The following TUSC3 variants were observed in gnomAD, a reference collection of about 807,000 sequenced individuals.
TUSC3 encodes the protein dolichyl-diphosphooligosaccharide--protein glycosyltransferase subunit TUSC3.
Under a neutral mutation model 44.8 loss-of-function variants are expected in TUSC3, and 45 were observed. The observed-to-expected ratio is 1.00, with a 90% CI of 0.79 to 1.29. TUSC3 has a LOEUF of 1.29. Ranked by LOEUF, TUSC3 falls within the 50% of genes most tolerant of loss-of-function variation. The probability of loss-of-function intolerance (pLI) is 0.00; values close to 1 mark genes in which losing one functional copy is unlikely to be tolerated. For missense variants in TUSC3, 519 were observed against 437.9 expected (o/e 1.19, Z -1.65); for synonymous variants, 212 against 152.9 (o/e 1.39, Z -2.85).
chr8:15,595,451 C>G (rs1313189535), intron 1 of TUSC3, among the ~76,000 whole-genome samples: 1 of 152,158 alleles, frequency 6.6e-6, no homozygotes, highest in African/African-American at 2.4e-5. Flanking sequence ...GCTTGAATCT[C>G]TCAAGGGAGT....
Position 15,423,969 on chromosome 8 carries a change from G to GTTTTTGTTTTGTT in TUSC3, n.91+6669_91+6670insGTTTTGTTTTTTT, listed in dbSNP as rs1563247134. Among the ~76,000 whole-genome samples the GTTTTTGTTTTGTT allele has an allele frequency of 8.1e-4, 57 of 70,388 alleles. 1 individual carries two copies. Among genetic ancestry groups the GTTTTTGTTTTGTT allele is most frequent in the African/African-American group, 2.1e-3 (51 of 24,492 alleles). The allele number at this position is 70,388 out of a possible 152,430, so 46.2% of individuals were successfully genotyped here. A position where few individuals can be genotyped will look rare whatever the true frequency, so the allele number is the denominator to read the frequency against. The stretch of plus-strand genomic sequence containing the variant: ...TACAGCATTCATACTGTTTTGCTTT[G>GTTTTTGTTTTGTT]TTTTTTTTTTTTTTTTTTTTTTTTT... On this transcript the variant is annotated intron_variant and non_coding_transcript_variant, in intron 1 of 5. Transcript: ENST00000503191.
intron 2 of TUSC3, among the ~76,000 whole-genome samples, chr8:15,488,731 T>C (rs1800767589): frequency 6.6e-6 from 1 of 152,174 alleles, no homozygotes; most frequent in South Asian, 2.1e-4. Flanking sequence ...TATGAAGATG[T>C]GGCAAGAAAG....
the TUSC3 span, among the ~76,000 whole-genome samples, chr8:15,784,045 G>A: frequency 4.6e-5 from 7 of 152,078 alleles, no homozygotes; most frequent in Non-Finnish European, 8.8e-5. Context: ...CAATGGACCC[G>A]AGTAGACATT....
At chr8:15,737,105 G>A (rs753979461) in intron 7 of TUSC3, among the ~76,000 whole-genome samples, 25 of 151,942 alleles carry the variant, frequency 1.6e-4, no homozygotes, top group Admixed American at 1.2e-3. Flanking sequence ...GATTTTATTC[G>A]CATCTGTTTC....
chr8:15,761,189 G>T (rs1352687910), intron 10 of TUSC3, among the ~76,000 whole-genome samples: 1 of 152,130 alleles, frequency 6.6e-6, no homozygotes, highest in Non-Finnish European at 1.5e-5. Context: ...TAATAAACTT[G>T]CTAATAAACC....
chr8:15,779,538 A>G, the TUSC3 span, among the ~76,000 whole-genome samples: 2 of 152,206 alleles, frequency 1.3e-5, no homozygotes, highest in Non-Finnish European at 2.9e-5. Context: ...TTAAGACAAC[A>G]TAATTTAAAA....
intron 1 of TUSC3, among the ~76,000 whole-genome samples, chr8:15,581,431 T>C (rs1803328330): frequency 1.3e-5 from 2 of 149,450 alleles, no homozygotes; most frequent in African/African-American, 2.5e-5. Context: ...GTTCTGTTTT[T>C]TCCCCATCTT....
chr8:15,691,607 T>C (rs1808905297), intron 6 of TUSC3, among the ~76,000 whole-genome samples: 2 of 152,214 alleles, frequency 1.3e-5, no homozygotes, highest in African/African-American at 4.8e-5. Flanking sequence ...GGGGAATGTT[T>C]CCAGCTTTGC....
intron 1 of TUSC3, among the ~76,000 whole-genome samples, chr8:15,594,529 G>C (rs1482751777): frequency 1.3e-5 from 2 of 152,194 alleles, no homozygotes; most frequent in Non-Finnish European, 2.9e-5. Context: ...TTCTGGCTGT[G>C]ATGCAAGCAA....
chr8:15,482,242 A>C (rs1030238071), intron 1 of TUSC3, among the ~76,000 whole-genome samples: 1 of 152,170 alleles, frequency 6.6e-6, no homozygotes, highest in Admixed American at 6.6e-5. Context: ...ATTCCAGTTA[A>C]ACTTCCTCCA....
rs1422039453 is a variant in TUSC3 at position 15,764,124 on chromosome 8, A to T, written c.*47-79A>T. On this transcript the variant is annotated intron_variant, in intron 10 of 10. Transcript: ENST00000503731. ...TTTAATGTTATATTTACATGTGCTA[A>T]TTTAGAATGGAATAACAAACATATT... 7 of 1,346,296 alleles carry T rather than the reference A, an allele frequency of 5.2e-6. No individual in the cohort carries two copies. In the African/African-American group the frequency reaches 1.0e-4, roughly 19 times the overall value. 83.4% of individuals were successfully genotyped at this position (1,346,296 alleles called of 1,614,324 possible).
chr8:15,738,795 T>C (rs942758535), intron 7 of TUSC3, among the ~76,000 whole-genome samples: 3 of 151,004 alleles, frequency 2.0e-5, no homozygotes, highest in African/African-American at 7.3e-5. Context: ...TTTCACTTGG[T>C]ATGGTGACAA....
chr8:15,609,074 T>G (rs1021762948), intron 1 of TUSC3, among the ~76,000 whole-genome samples: 1 of 152,220 alleles, frequency 6.6e-6, no homozygotes, highest in African/African-American at 2.4e-5. Context: ...ATTGAATTTT[T>G]CTTTGTTTTG....
At chr8:15,468,987 G>T (rs187635674) in intron 1 of TUSC3, among the ~76,000 whole-genome samples, 13 of 138,404 alleles carry the variant, frequency 9.4e-5, no homozygotes, top group Middle Eastern at 3.9e-3. Flanking sequence ...TGACCCTGAA[G>T]AGAATTAATG....
intron 2 of TUSC3, among the ~76,000 whole-genome samples, chr8:15,485,246 A>G (rs967990842): frequency 3.3e-5 from 5 of 152,318 alleles, no homozygotes; most frequent in South Asian, 2.1e-4. Context: ...TCGGCAGTGC[A>G]GCATTCTCAT....
chr8:15,701,838 G>C (rs1187053865), intron 6 of TUSC3, among the ~76,000 whole-genome samples: 1 of 152,146 alleles, frequency 6.6e-6, no homozygotes, highest in Non-Finnish European at 1.5e-5. Flanking sequence ...GTTTATCCAA[G>C]TTGTATGGAC....
chr8:15,588,637 A>C (rs947692408), intron 1 of TUSC3, among the ~76,000 whole-genome samples: 1 of 152,156 alleles, frequency 6.6e-6, no homozygotes, highest in Non-Finnish European at 1.5e-5. Context: ...GCTCAGAACA[A>C]AGTCCTGAAA....
At chr8:15,698,303 T>A (rs1809253642) in intron 6 of TUSC3, among the ~76,000 whole-genome samples, 1 of 152,200 alleles carries the variant, frequency 6.6e-6, no homozygotes. Flanking sequence ...GTGTTCTACA[T>A]CAAATTCTGC....
the TUSC3 span, among the ~76,000 whole-genome samples, chr8:15,812,092 T>C: frequency 0.041 from 6,297 of 152,264 alleles, 204 homozygotes; most frequent in Admixed American, 0.077. Context: ...TCAAGGTTTT[T>C]GGGACATCCA....
Sources: allele counts gnomAD v4.1 joint callset (sites outside exome capture counted in the v4.1 genomes callset), GRCh38; gene constraint gnomAD v4.1.1; transcripts MANE v1.5; gene names NCBI Gene and HGNC (gene_info 2026-07-23, HGNC 2026-07-21).